ROR2: variants seen among roughly 807,000 people sequenced by gnomAD.
The protein encoded by ROR2 is tyrosine-protein kinase transmembrane receptor ROR2.
A neutral mutation model predicts 74.9 loss-of-function variants in ROR2; 33 were observed. The observed-to-expected ratio is 0.44, with a 90% confidence interval of 0.33 to 0.59. The LOEUF (loss-of-function observed/expected upper bound fraction) is 0.59. Among genes scored for constraint, ROR2 ranks in the 20% least tolerant of loss-of-function variants. ROR2 has a pLI of 0.02. For missense variants in ROR2, 1,216 were observed against 1,313.8 expected, an observed-to-expected ratio of 0.93 and a Z score of 1.15; for synonymous variants, 586 against 558.7, an observed-to-expected ratio of 1.05 and a Z score of -0.69.
chr9:91,829,169 G>A (rs551957177), intron 1 of ROR2, among the ~76,000 whole-genome samples: 25 of 152,320 alleles, frequency 1.6e-4, no homozygotes, highest in Non-Finnish European at 3.2e-4. Flanking sequence ...AGTCGCTTCC[G>A]CGGAGTGCAG....
intron 5 of ROR2, 92 bp downstream of exon 5, chr9:91,737,299 C>G: frequency 6.5e-7 from 1 of 1,531,392 alleles, no homozygotes; most frequent in Non-Finnish European, 9.0e-7. Flanking sequence ...ACTGACCATG[C>G]CATTAACTGA....
intron 1 of ROR2, among the ~76,000 whole-genome samples, chr9:91,851,040 A>C (rs973665508): frequency 1.3e-5 from 2 of 152,192 alleles, no homozygotes; most frequent in Non-Finnish European, 2.9e-5. Context: ...AAAGTGAGTG[A>C]ATTTATCACT....
intron 4 of ROR2, among the ~76,000 whole-genome samples, chr9:91,742,946 T>C (rs1443492278): frequency 6.6e-6 from 1 of 152,246 alleles, no homozygotes; most frequent in Non-Finnish European, 1.5e-5. Flanking sequence ...ATTACGTTAC[T>C]GTTGCCTACA....
chr9:91,877,456 C>T (rs76432051), intron 1 of ROR2, among the ~76,000 whole-genome samples: 4,226 of 152,194 alleles, frequency 0.028, 91 homozygotes, highest in East Asian at 0.059. Flanking sequence ...AGGGGTCTTG[C>T]GACCAGAAGA....
intron 1 of ROR2, among the ~76,000 whole-genome samples, chr9:91,839,254 GTGTGTGTGT>G (rs1828706827): frequency 5.6e-5 from 2 of 35,750 alleles, no homozygotes; most frequent in African/African-American, 1.8e-4. Flanking sequence ...GATCGGGGGT[GTGTGTGTGT>G]GTGTGTGTGT....
At chr9:91,949,321 G>A (rs1435055367) in intron 1 of ROR2, among the ~76,000 whole-genome samples, 1 of 151,634 alleles carries the variant, frequency 6.6e-6, no homozygotes, top group African/African-American at 2.4e-5. Context: ...GTCAGGACCC[G>A]GGAGCCGCCG....
chr9:91,929,970 T>C (rs1831508476), intron 1 of ROR2, among the ~76,000 whole-genome samples: 1 of 151,910 alleles, frequency 6.6e-6, no homozygotes, highest in Non-Finnish European at 1.5e-5. Context: ...CCCAGATCTG[T>C]GTCCTACTGC....
At chr9:91,880,805 C>T (rs1587815718) in intron 1 of ROR2, among the ~76,000 whole-genome samples, 1 of 152,216 alleles carries the variant, frequency 6.6e-6, no homozygotes, top group East Asian at 1.9e-4. Flanking sequence ...CAAGGGCAGG[C>T]TGGGAAATGT....
intron 1 of ROR2, among the ~76,000 whole-genome samples, chr9:91,796,750 G>C (rs1321753761): frequency 1.4e-5 from 2 of 147,372 alleles, no homozygotes; most frequent in Non-Finnish European, 3.0e-5. Context: ...GGGCGGGGCT[G>C]ACACCCTGCA....
intron 2 of ROR2, among the ~76,000 whole-genome samples, chr9:91,762,453 T>A (rs1233524771): frequency 6.6e-6 from 1 of 152,240 alleles, no homozygotes; most frequent in Non-Finnish European, 1.5e-5. Context: ...CTAATTGTTT[T>A]TTCAACATTC....
Position 91,726,756 on chromosome 9 carries a change from A to C in ROR2, c.1184-13T>G, listed in dbSNP as rs1837055479. 1 of 1,613,434 alleles carries C rather than the reference A, an allele frequency of 6.2e-7. No individual in the cohort carries two copies. Among genetic ancestry groups the C allele is most frequent in the Admixed American group, 1.7e-5 (1 of 59,992 alleles). On this transcript the variant is annotated splice_polypyrimidine_tract_variant and intron_variant, in intron 7 of 8. Coordinates refer to ENST00000375708, the MANE Select transcript of ROR2 (RefSeq NM_004560.4). ...CTGTCTCGGGGACCTGTGAACAATA[A>C]GGCTTTCGTGATTTTTCAGAAAACA...
intron 1 of ROR2, among the ~76,000 whole-genome samples, chr9:91,910,546 G>C (rs1273033972): frequency 6.6e-6 from 1 of 152,010 alleles, no homozygotes; most frequent in South Asian, 2.1e-4. Flanking sequence ...ACACAACCAA[G>C]GCAATGAAAG....
chr9:91,923,798 C>T (rs564437917), intron 1 of ROR2: 6 of 152,292 alleles, frequency 3.9e-5, no homozygotes, highest in South Asian at 2.1e-4. Context: ...CATGGCTATC[C>T]GATGAGTCAG....
At chr9:91,731,905 ACT>A (rs1837255605) in intron 6 of ROR2, among the ~76,000 whole-genome samples, 1 of 152,104 alleles carries the variant, frequency 6.6e-6, no homozygotes, top group Non-Finnish European at 1.5e-5. Flanking sequence ...ACAGAGTGAG[ACT>A]CTGTCTCAAA....
intron 8 of ROR2, among the ~76,000 whole-genome samples, 187 bp from the exon 9 acceptor site, chr9:91,725,294 G>A (rs573026212): frequency 1.1e-4 from 17 of 152,066 alleles, no homozygotes; most frequent in African/African-American, 3.6e-4. Flanking sequence ...CCTTAAATAC[G>A]GCTCTGATGC....
intron 4 of ROR2, among the ~76,000 whole-genome samples, chr9:91,747,604 G>C (rs1825465441): frequency 6.6e-6 from 1 of 152,242 alleles, no homozygotes. Context: ...ATTTTCTATA[G>C]AAGTGGCCCA....
chr9:91,733,298 T>C lies in ROR2; in HGVS notation c.761A>G (p.Asp254Gly), dbSNP rs760726459. The C allele has an allele frequency of 6.2e-7, 1 of 1,612,894 alleles. No homozygotes were observed. The highest frequency in any genetic ancestry group is 1.7e-5 in the Admixed American group (1 of 59,966). The change falls in exon 6 of 9, where the codon GAC becomes GGC. Residue 254 changes from aspartate to glycine, a missense_variant. Coordinates refer to ENST00000375708, the MANE Select transcript of ROR2 (RefSeq NM_004560.4). This position sits in a 1 kb window ranked among gnomAD's most constrained non-coding sequence, Gnocchi z 5.7. ...RTPKPRELCR[D>G]ECEVLESDLC... is the part of the protein sequence containing the mutation. ...GTCGCTCTCCAGCACCTCGCACTCG[T>C]CGCGGCACAGCTCACGCGGCTTGGG...
chr9:91,764,657 T>C (rs1826009844), intron 2 of ROR2, among the ~76,000 whole-genome samples: 2 of 152,054 alleles, frequency 1.3e-5, no homozygotes, highest in South Asian at 4.1e-4. Context: ...TTGTTATTTT[T>C]ACTGTCAGAG....
intron 4 of ROR2, among the ~76,000 whole-genome samples, chr9:91,740,384 T>C (rs1309684863): frequency 1.3e-5 from 2 of 151,842 alleles, no homozygotes; most frequent in East Asian, 1.9e-4. Flanking sequence ...CCATCTCTAC[T>C]AAAAATACAA....
Sources: gnomAD v4.1 joint callset for allele counts (sites outside exome capture counted in the v4.1 genomes callset) on GRCh38, gnomAD v4.1.1 for gene constraint, Gnocchi (gnomAD v3.1) non-coding constraint, MANE v1.5 for transcripts, NCBI Gene and HGNC (gene_info 2026-07-23, HGNC 2026-07-21) for gene names.